Variants in FAT3 observed in about 807,000 individuals in gnomAD.
FAT3 encodes protocadherin Fat 3.
A neutral mutation model predicts 310.2 loss-of-function variants in FAT3; 95 were observed. The ratio of observed to expected loss-of-function variants is 0.31; its 90% confidence interval spans 0.26 to 0.36. FAT3 has a LOEUF of 0.36. FAT3 is among the 10% of genes least tolerant of loss of function. The pLI is 1.00. For missense variants in FAT3, 5,408 were observed against 5,715.6 expected, an observed-to-expected ratio of 0.95 and a Z score of 1.74; for synonymous variants, 2,314 against 2,192.9, an observed-to-expected ratio of 1.06 and a Z score of -1.54.
intron 1 of FAT3, among the ~76,000 whole-genome samples, chr11:92,286,683 A>G (rs907185662): frequency 6.6e-6 from 1 of 152,210 alleles, no homozygotes; most frequent in Non-Finnish European, 1.5e-5. Flanking sequence ...GATAGCATAG[A>G]AGAAAACTAT....
Position 92,800,131 on chromosome 11 carries a change from C to CACTG in FAT3, c.7120_7123dup (p.Ser2375ThrfsTer4). Reference sequence around the variant, plus strand: ...AGATCAATAGATAGTGGCTTCCCATCACTGAGCAGTGAGGTTCTCGTTCAT... The same window carrying CACTG: ...AGATCAATAGATAGTGGCTTCCCATCACTGACTGAGCAGTGAGGTTCTCGTTCAT... On this transcript the variant is annotated frameshift_variant, in exon 10 of 28. Transcript: ENST00000525166. LOFTEE classifies it high-confidence loss of function. The CACTG allele has an allele frequency of 6.2e-7, 1 of 1,613,968 alleles. No individual in the cohort carries two copies. The highest frequency in any genetic ancestry group is 8.5e-7 in the Non-Finnish European group (1 of 1,179,872).
intron 3 of FAT3, among the ~76,000 whole-genome samples, chr11:92,547,004 C>T (rs935337915): frequency 2.6e-5 from 4 of 152,112 alleles, no homozygotes; most frequent in Non-Finnish European, 5.9e-5. Flanking sequence ...TCACATAATA[C>T]GTAAGGTCTC....
rs952923565 is a variant in FAT3, at chr11:92,799,083, A to G, written c.6070A>G (p.Asn2024Asp). Residue 2024 changes from asparagine to aspartate, a missense_variant, in exon 10 of 28, where the codon AAT (asparagine) becomes GAT (aspartate). Around this residue, in one of 5 missense-constraint regions of FAT3, gnomAD observed 4,588 missense variants for 4,809.8 expected, o/e 0.95. Transcript: ENST00000525166. The stretch of plus-strand genomic sequence containing the variant: ...AAAATACAGCATCTTAAACCCAGGA[A>G]ATAAGTTCAAGATAAAATCTACCTC... ...PLKYSILNPG[N>D]KFKIKSTSGV... 2 of 1,613,962 alleles carry G rather than the reference A, an allele frequency of 1.2e-6. No homozygotes were observed. The highest frequency in any genetic ancestry group is 1.7e-6 in the Non-Finnish European group (2 of 1,179,882).
intron 3 of FAT3, among the ~76,000 whole-genome samples, chr11:92,692,707 A>C (rs1303160106): frequency 6.6e-6 from 1 of 152,226 alleles, no homozygotes; most frequent in East Asian, 1.9e-4. Context: ...CTGGGTACAG[A>C]CATGAAGAAG....
chr11:92,861,027 A>C (rs1331270497), intron 21 of FAT3, among the ~76,000 whole-genome samples: 3 of 152,264 alleles, frequency 2.0e-5, no homozygotes, highest in Non-Finnish European at 4.4e-5. Context: ...CATTCAAATC[A>C]GATATTCATG....
At chr11:92,710,147 G>A (rs1944477888) in intron 4 of FAT3, among the ~76,000 whole-genome samples, 1 of 152,216 alleles carries the variant, frequency 6.6e-6, no homozygotes, top group South Asian at 2.1e-4. Context: ...GTACTCATTA[G>A]TAGCCCTCTT....
chr11:92,371,339 G>A (rs1949181551), intron 2 of FAT3, among the ~76,000 whole-genome samples: 1 of 151,944 alleles, frequency 6.6e-6, no homozygotes, highest in Non-Finnish European at 1.5e-5. Flanking sequence ...AGATTTGAAT[G>A]AGGTAGGTCA....
At chr11:92,502,164 G>T (rs939689159) in intron 2 of FAT3, among the ~76,000 whole-genome samples, 1 of 152,040 alleles carries the variant, frequency 6.6e-6, no homozygotes, top group Non-Finnish European at 1.5e-5. Context: ...AAAAATTACA[G>T]GGATAAACAT....
chr11:92,685,773 A>C (rs1285665341), intron 3 of FAT3, among the ~76,000 whole-genome samples: 5 of 152,188 alleles, frequency 3.3e-5, no homozygotes, highest in Non-Finnish European at 5.9e-5. Flanking sequence ...GCCCTGGAGA[A>C]GTCACAGTCT....
At chr11:92,291,592 G>A (rs1244500774) in intron 1 of FAT3, among the ~76,000 whole-genome samples, 1 of 152,068 alleles carries the variant, frequency 6.6e-6, no homozygotes, top group Non-Finnish European at 1.5e-5. Context: ...TGGACGAAGA[G>A]AGTTGGTCTA....
intron 3 of FAT3, among the ~76,000 whole-genome samples, chr11:92,692,397 T>C: frequency 6.6e-6 from 1 of 152,184 alleles, no homozygotes; most frequent in East Asian, 1.9e-4. Flanking sequence ...TTCACCACCC[T>C]TTTGCTTGTG....
At chr11:92,592,724 T>C (rs1240008914) in intron 3 of FAT3, among the ~76,000 whole-genome samples, 2 of 152,192 alleles carry the variant, frequency 1.3e-5, no homozygotes, top group Non-Finnish European at 2.9e-5. Flanking sequence ...ATTTGAGCAC[T>C]AATGGATAGT....
At chr11:92,599,410 A>C (rs1407367007) in intron 3 of FAT3, among the ~76,000 whole-genome samples, 1 of 152,174 alleles carries the variant, frequency 6.6e-6, no homozygotes, top group African/African-American at 2.4e-5. Context: ...TGCCCTCATG[A>C]TTCAATGACC....
Position 92,844,371 on chromosome 11 carries a change from G to A in FAT3, c.11004G>A (p.Gly3668=), listed in dbSNP as rs1268576429. ...ACTTCGTGGGGCTGCACATGCATGG[G>A]TTCCGGCGCACCCTGCGGAATGCAG... is the stretch of plus-strand genomic sequence containing the variant. ...PEDFVGLHMH[G]FRRTLRNAVL... Residue 3668 remains glycine (G), a synonymous_variant, in exon 19 of 28, where the codon GGG becomes GGA. Transcript: ENST00000525166. 6.2e-7 allele frequency: 1 copy of A among 1,613,948 alleles called. No individual in the cohort carries two copies. The highest frequency in any genetic ancestry group is 2.2e-5 in the East Asian group (1 of 44,874).
At chr11:92,562,594 T>C (rs1346343862) in intron 3 of FAT3, among the ~76,000 whole-genome samples, 1 of 152,164 alleles carries the variant, frequency 6.6e-6, no homozygotes, top group African/African-American at 2.4e-5. Flanking sequence ...AGAAGTCCCA[T>C]GATATGCTAT....
intron 1 of FAT3, among the ~76,000 whole-genome samples, chr11:92,255,851 A>G (rs965530213): frequency 4.6e-5 from 7 of 152,262 alleles, no homozygotes; most frequent in South Asian, 2.1e-4. Context: ...CATATTTCAC[A>G]CTGTTGCGAA....
intron 3 of FAT3, among the ~76,000 whole-genome samples, chr11:92,588,886 G>A (rs902603770): frequency 1.3e-5 from 2 of 149,806 alleles, no homozygotes; most frequent in African/African-American, 5.0e-5. Flanking sequence ...GGGAATTAAT[G>A]AGGAATTATA....
chr11:92,516,492 A>G (rs750375566), intron 2 of FAT3, among the ~76,000 whole-genome samples: 19 of 152,178 alleles, frequency 1.2e-4, no homozygotes, highest in Non-Finnish European at 1.8e-4. Flanking sequence ...CATATCTCAA[A>G]ATAATAAGAG....
intron 3 of FAT3, among the ~76,000 whole-genome samples, chr11:92,648,853 T>G (rs1270657551): frequency 6.6e-6 from 1 of 152,128 alleles, no homozygotes; most frequent in African/African-American, 2.4e-5. Context: ...GACACTGCAG[T>G]CGGAAGCTGT....
Sources: gnomAD v4.1 joint callset for allele counts (sites outside exome capture counted in the v4.1 genomes callset) on GRCh38, gnomAD v4.1.1 for gene constraint, gnomAD v4.1.1 regional missense constraint, MANE v1.5 for transcripts, NCBI Gene and HGNC (gene_info 2026-07-23, HGNC 2026-07-21) for gene names.